Variants in TMEM185A observed in about 807,000 individuals in gnomAD.
TMEM185A encodes transmembrane protein 185A, also known as family with sequence similarity 11, member A.
TMEM185A carries 9 observed loss-of-function variants against 25.0 expected under a neutral mutation model. The ratio of observed to expected loss-of-function variants is 0.36; its 90% confidence interval spans 0.22 to 0.63. The LOEUF (loss-of-function observed/expected upper bound fraction) is 0.63, where lower values mean the gene tolerates loss of function less well. Ranked by LOEUF, TMEM185A falls within the 20% of genes least tolerant of loss-of-function variation. The pLI, the probability that TMEM185A is intolerant of heterozygous loss-of-function variation, is 0.68. For synonymous variants in TMEM185A, 45 were observed against 93.5 expected (o/e 0.48, Z 2.99); for missense variants, 103 against 237.4 (o/e 0.43, Z 3.72).
chrX:149,611,534 A>G, intron 1 of TMEM185A, 71 bp from the exon 2 acceptor site: 1 of 985,154 alleles, frequency 1.0e-6, no homozygotes, highest in Non-Finnish European at 1.4e-6. Flanking sequence ...GGGGAGTAAT[A>G]AGAGCCACAT....
chrX:149,602,231 C>T lies in TMEM185A; in HGVS notation c.508-1752G>A, dbSNP rs1478947035. The T allele has an allele frequency of 2.7e-5, 3 of 111,434 alleles. No individual in the cohort carries two copies. In the East Asian group the frequency reaches 8.4e-4, roughly 31 times the overall value. The allele number at this position is 111,434 out of a possible 1,213,427, so 9.2% of individuals were successfully genotyped here. A position where few individuals can be genotyped will look rare whatever the true frequency, so the allele number is the denominator to read the frequency against. On this transcript the variant is annotated intron_variant, in intron 4 of 6. Coordinates refer to ENST00000600449, the MANE Select transcript of TMEM185A (RefSeq NM_032508.4). ...CCCAGTCTGTGGCCTGTCTTCATTT[C>T]ATTTTAATTTTGAGGAAGTCCAAAT...
chrX:149,623,260 G>C (rs1051125189), intron 1 of TMEM185A, among the ~76,000 whole-genome samples: 2 of 111,534 alleles, frequency 1.8e-5, no homozygotes, highest in African/African-American at 3.3e-5. Flanking sequence ...AAGGGTACTG[G>C]GGGGAATAAG....
chrX:149,608,908 A>C, intron 2 of TMEM185A, 74 bp from the exon 3 acceptor site: 5 of 878,637 alleles, frequency 5.7e-6, no homozygotes, highest in Non-Finnish European at 8.0e-6. Flanking sequence ...CAGGGCAAAT[A>C]CCAACTTATA....
chrX:149,629,540 A>C (rs1557356392), intron 1 of TMEM185A, among the ~76,000 whole-genome samples: 1 of 112,158 alleles, frequency 8.9e-6, no homozygotes. Context: ...AAAATTAAGG[A>C]ACTCACTACC....
intron 1 of TMEM185A, among the ~76,000 whole-genome samples, chrX:149,629,993 A>G (rs2090183186): frequency 8.9e-6 from 1 of 111,892 alleles, no homozygotes; most frequent in South Asian, 3.8e-4. Flanking sequence ...GCACAAAACA[A>G]TTCAGTTTTT....
chrX:149,611,263 A>G, intron 2 of TMEM185A, 24 bp downstream of exon 2: 10 of 1,187,033 alleles, frequency 8.4e-6, no homozygotes, highest in Non-Finnish European at 1.1e-5. Context: ...CTAGAGACCA[A>G]TGGGTTGTAT....
At chrX:149,615,313 A>G (rs2090104844) in intron 1 of TMEM185A, among the ~76,000 whole-genome samples, 1 of 112,082 alleles carries the variant, frequency 8.9e-6, no homozygotes, top group South Asian at 3.6e-4. Context: ...CAAATTAGGA[A>G]AAGAAGAGCA....
intron 3 of TMEM185A, among the ~76,000 whole-genome samples, chrX:149,608,295 T>C (rs1368243683): frequency 9.0e-6 from 1 of 111,610 alleles, no homozygotes; most frequent in Non-Finnish European, 1.9e-5. Context: ...AATTGACATC[T>C]GAATAACTGA....
At chrX:149,610,134 A>C (rs1159152364) in intron 2 of TMEM185A, among the ~76,000 whole-genome samples, 1 of 111,226 alleles carries the variant, frequency 9.0e-6, no homozygotes, top group Non-Finnish European at 1.9e-5. Context: ...CAAAAATTTA[A>C]AAAGTTGATG....
chrX:149,603,419 G>A (rs188939766), intron 4 of TMEM185A, among the ~76,000 whole-genome samples: 13 of 110,965 alleles, frequency 1.2e-4, no homozygotes, highest in East Asian at 5.6e-4. Flanking sequence ...AAGCCACTGC[G>A]CCTGGCCAGG....
At chrX:149,610,860 A>T (rs1410959859) in intron 2 of TMEM185A, among the ~76,000 whole-genome samples, 2 of 111,897 alleles carry the variant, frequency 1.8e-5, no homozygotes, top group African/African-American at 6.5e-5. Flanking sequence ...CCTCCCCTAC[A>T]CTGCTAATAG....
intron 6 of TMEM185A, 60 bp downstream of exon 6, chrX:149,599,487 GCCACCCC>G: frequency 1.2e-5 from 11 of 942,410 alleles, no homozygotes; most frequent in Non-Finnish European, 1.6e-5. Context: ...ACTTCTATCC[GCCACCCC>G]CCACCCCCTG....
chrX:149,627,159 G>A (rs1185540424), intron 1 of TMEM185A, among the ~76,000 whole-genome samples: 1 of 112,290 alleles, frequency 8.9e-6, no homozygotes, highest in African/African-American at 3.2e-5. Flanking sequence ...GTCTCAGTGG[G>A]GGGAAACCTT....
chrX:149,631,307 C>A (rs886616315), intron 1 of TMEM185A, among the ~76,000 whole-genome samples: 1 of 110,695 alleles, frequency 9.0e-6, no homozygotes, highest in Non-Finnish European at 1.9e-5. Context: ...GCGGCCGGGC[C>A]CTTCCGGCCG....
Position 149,604,016 on chromosome X carries a change from G to A in TMEM185A, c.478C>T (p.Leu160=). Residue 160 remains leucine (L), a synonymous_variant, in exon 4 of 7, where the codon CTG becomes TTG. Coordinates refer to ENST00000600449, the MANE Select transcript of TMEM185A (RefSeq NM_032508.4). The stretch of plus-strand genomic sequence containing the variant: ...CAGGGCCAGTGGATGATCTTGTCCA[G>A]TCTTAAGGCAATGAATATAAACTGG... ...ILQFIFIALR[L]DKIIHWPWLV... is the part of the protein sequence containing the mutation. The A allele has an allele frequency of 8.3e-7, 1 of 1,209,229 alleles. No individual in the cohort carries two copies. Among genetic ancestry groups the A allele is most frequent in the East Asian group, 3.0e-5 (1 of 33,802 alleles).
chrX:149,609,585 A>G (rs2090070947), intron 2 of TMEM185A, among the ~76,000 whole-genome samples: 1 of 112,741 alleles, frequency 8.9e-6, no homozygotes, highest in African/African-American at 3.2e-5. Context: ...TCTATAATGC[A>G]TCTGAAAGGC....
At chrX:149,616,775 T>C (rs1557355081) in intron 1 of TMEM185A, among the ~76,000 whole-genome samples, 1 of 112,388 alleles carries the variant, frequency 8.9e-6, no homozygotes, top group East Asian at 2.8e-4. Flanking sequence ...TCTGTAGAAA[T>C]TGACATACTG....
intron 1 of TMEM185A, 36 bp downstream of exon 1, chrX:149,631,507 C>G: frequency 8.7e-7 from 1 of 1,149,402 alleles, no homozygotes; most frequent in Admixed American, 2.7e-5. Context: ...GAGCCCGCAG[C>G]GCGGACTCCC....
intron 1 of TMEM185A, 26 bp from the exon 2 acceptor site, chrX:149,611,489 A>G (rs2090083296): frequency 1.7e-6 from 2 of 1,164,006 alleles, no homozygotes; most frequent in Admixed American, 2.6e-5. Flanking sequence ...AACGATTAAG[A>G]AGGATTCACT....
Sources: gnomAD v4.1 joint callset for allele counts (sites outside exome capture counted in the v4.1 genomes callset) on GRCh38, gnomAD v4.1.1 for gene constraint, MANE v1.5 for transcripts, NCBI Gene and HGNC (gene_info 2026-07-23, HGNC 2026-07-21) for gene names.